GPC5: variants seen among roughly 807,000 people sequenced by gnomAD.
GPC5 encodes the protein glypican 5.
GPC5 carries 47 observed loss-of-function variants against 53.9 expected under a neutral mutation model. That is an observed-to-expected ratio of 0.87 (90% confidence interval 0.69 to 1.11). The LOEUF (loss-of-function observed/expected upper bound fraction) is 1.11, where lower values mean the gene tolerates loss of function less well. Among genes scored for constraint, GPC5 ranks in the 50% most tolerant of loss-of-function variants. The pLI is 0.00. For synonymous variants in GPC5, 286 were observed against 263.3 expected, an observed-to-expected ratio of 1.09 and a Z score of -0.84; for missense variants, 748 against 713.1, an observed-to-expected ratio of 1.05 and a Z score of -0.56.
intron 7 of GPC5, among the ~76,000 whole-genome samples, chr13:92,816,706 G>T (rs1594526301): frequency 6.6e-6 from 1 of 151,958 alleles, no homozygotes; most frequent in South Asian, 2.1e-4. Flanking sequence ...AGAGTATCTT[G>T]CAAAACTCAG....
intron 7 of GPC5, among the ~76,000 whole-genome samples, chr13:92,464,806 C>G (rs924175886): frequency 2.0e-5 from 3 of 151,716 alleles, no homozygotes; most frequent in Admixed American, 6.6e-5. Context: ...TTATGGGCTC[C>G]AAATTTCTTG....
intron 7 of GPC5, among the ~76,000 whole-genome samples, chr13:92,442,823 A>G (rs1474201371): frequency 6.6e-6 from 1 of 152,228 alleles, no homozygotes; most frequent in African/African-American, 2.4e-5. Context: ...CTAAAGTAGA[A>G]GGAACAATAT....
chr13:92,220,488 C>T (rs1417340067), intron 7 of GPC5, among the ~76,000 whole-genome samples: 1 of 152,076 alleles, frequency 6.6e-6, no homozygotes, highest in Non-Finnish European at 1.5e-5. Flanking sequence ...TTAAGTGAAT[C>T]AATATAAGTC....
chr13:91,684,367 T>C (rs1352920896), intron 2 of GPC5, among the ~76,000 whole-genome samples: 2 of 152,174 alleles, frequency 1.3e-5, no homozygotes, highest in Non-Finnish European at 2.9e-5. Context: ...ACTGGTAACA[T>C]GTTCAAAACA....
intron 2 of GPC5, among the ~76,000 whole-genome samples, chr13:91,622,091 G>A (rs1354200695): frequency 1.3e-5 from 2 of 151,916 alleles, no homozygotes; most frequent in African/African-American, 2.4e-5. Context: ...ATCTTCTCTT[G>A]CCTGCTTTAT....
chr13:91,728,694 A>G (rs201618505), intron 4 of GPC5, 29 bp downstream of exon 4: 3 of 1,597,224 alleles, frequency 1.9e-6, no homozygotes, highest in Non-Finnish European at 2.6e-6. Context: ...AACCAGAAAG[A>G]GAAAAGAAAG....
chr13:91,702,365 A>G (rs2036011204), intron 3 of GPC5, among the ~76,000 whole-genome samples: 1 of 152,064 alleles, frequency 6.6e-6, no homozygotes, highest in African/African-American at 2.4e-5. Context: ...AAATCTTGCT[A>G]AGACTAATGT....
intron 7 of GPC5, among the ~76,000 whole-genome samples, chr13:92,612,779 G>A (rs1884482252): frequency 6.6e-6 from 1 of 151,884 alleles, no homozygotes; most frequent in Non-Finnish European, 1.5e-5. Flanking sequence ...ACAGGAACAG[G>A]GTTATATTAC....
At chr13:92,467,386 T>C (rs1248915051) in intron 7 of GPC5, among the ~76,000 whole-genome samples, 1 of 152,110 alleles carries the variant, frequency 6.6e-6, no homozygotes, top group East Asian at 1.9e-4. Context: ...AATATAAGTT[T>C]ATGCTTATAG....
chr13:91,932,209 C>T (rs894611242), intron 6 of GPC5, among the ~76,000 whole-genome samples: 10 of 151,994 alleles, frequency 6.6e-5, no homozygotes, highest in African/African-American at 2.2e-4. Context: ...TGTGCCTCAA[C>T]AAAAGAATGT....
intron 7 of GPC5, among the ~76,000 whole-genome samples, chr13:92,849,027 C>T (rs1878704178): frequency 6.6e-6 from 1 of 152,170 alleles, no homozygotes; most frequent in East Asian, 1.9e-4. Context: ...TCTCTCCTCA[C>T]ACACGCATCT....
At chr13:92,026,231 A>G (rs565403615) in intron 6 of GPC5, among the ~76,000 whole-genome samples, 4 of 152,188 alleles carry the variant, frequency 2.6e-5, no homozygotes, top group Non-Finnish European at 4.4e-5. Flanking sequence ...TATTCATAAC[A>G]TATGCAAATT....
chr13:92,382,830 C>G (rs9523652), intron 7 of GPC5, among the ~76,000 whole-genome samples: 1 of 151,360 alleles, frequency 6.6e-6, no homozygotes, highest in African/African-American at 2.4e-5. Context: ...AACCCCGTCT[C>G]TACTAAAAAA....
At chr13:92,255,485 T>C (rs7983117) in intron 7 of GPC5, among the ~76,000 whole-genome samples, 86,792 of 151,848 alleles carry the variant, frequency 0.57, 25,045 homozygotes, top group South Asian at 0.65. Context: ...TATCTAGATG[T>C]ATAAACTTGA....
At chr13:91,534,510 C>T (rs1032579190) in intron 2 of GPC5, among the ~76,000 whole-genome samples, 2 of 152,162 alleles carry the variant, frequency 1.3e-5, no homozygotes, top group African/African-American at 4.8e-5. Context: ...GCAGTCCATA[C>T]TGAGAAAGTT....
At chr13:91,528,747 ACAGTT>A (rs1390291946) in intron 2 of GPC5, among the ~76,000 whole-genome samples, 1 of 152,218 alleles carries the variant, frequency 6.6e-6, no homozygotes, top group Non-Finnish European at 1.5e-5. Flanking sequence ...TAATGGACTC[ACAGTT>A]CCACATGGCT....
chr13:91,562,619 A>ATTTTT (rs35271520), intron 2 of GPC5, among the ~76,000 whole-genome samples: 48 of 126,048 alleles, frequency 3.8e-4, no homozygotes, highest in South Asian at 1.0e-3. Context: ...ATGCCTGGCT[A>ATTTTT]TTTTTTTTTT....
chr13:91,466,831 C>T (rs986288738), intron 2 of GPC5, among the ~76,000 whole-genome samples: 7 of 152,082 alleles, frequency 4.6e-5, no homozygotes, highest in Admixed American at 2.0e-4. Flanking sequence ...TTAGTTTTAA[C>T]GAAGTTCTTT....
intron 7 of GPC5, among the ~76,000 whole-genome samples, chr13:92,764,654 G>C (rs527344250): frequency 2.6e-5 from 4 of 152,308 alleles, no homozygotes; most frequent in Non-Finnish European, 1.5e-5. Context: ...GTTTCCTTCT[G>C]TTCTCTAGGT....
Sources: gnomAD v4.1 joint callset for allele counts (sites outside exome capture counted in the v4.1 genomes callset) on GRCh38, gnomAD v4.1.1 for gene constraint, MANE v1.5 for transcripts, NCBI Gene and HGNC (gene_info 2026-07-23, HGNC 2026-07-21) for gene names.